The following CDC14B variants were observed in gnomAD, a reference collection of about 807,000 sequenced individuals.
The protein encoded by CDC14B is dual specificity protein phosphatase CDC14B.
CDC14B carries 22 observed loss-of-function variants against 64.2 expected under a neutral mutation model. That is an observed-to-expected ratio of 0.34 (90% CI 0.24 to 0.49). The LOEUF is 0.49. Ranked by LOEUF, CDC14B falls within the 20% of genes least tolerant of loss-of-function variation. CDC14B has a pLI of 0.99. For missense variants in CDC14B, 498 were observed against 629.9 expected (o/e 0.79, Z 2.24); for synonymous variants, 191 against 215.8 (o/e 0.89, Z 1.01).
At chr9:96,586,970 C>T (rs1036602771) in intron 1 of CDC14B, among the ~76,000 whole-genome samples, 2 of 151,938 alleles carry the variant, frequency 1.3e-5, no homozygotes, top group African/African-American at 2.4e-5. Flanking sequence ...GTCAGGATTT[C>T]GAGACTAGCC....
At chr9:96,505,787 C>T (rs1034241626) in intron 13 of CDC14B, among the ~76,000 whole-genome samples, 4 of 152,166 alleles carry the variant, frequency 2.6e-5, no homozygotes, top group South Asian at 4.1e-4. Context: ...GCCTGGCCGC[C>T]GTCCCAGACC....
At chr9:96,555,217 G>T (rs1304504816) in intron 4 of CDC14B, among the ~76,000 whole-genome samples, 1 of 152,162 alleles carries the variant, frequency 6.6e-6, no homozygotes, top group South Asian at 2.1e-4. Context: ...GAGTAATAGG[G>T]TGTGATTTCA....
At chr9:96,619,083 G>C (rs1847821196) in intron 1 of CDC14B, 136 bp downstream of exon 1, 2 of 578,504 alleles carry the variant, frequency 3.5e-6, no homozygotes, top group Non-Finnish European at 5.0e-6. Flanking sequence ...GTGGCGGCCG[G>C]GGCGTTTAAG....
chr9:96,605,259 A>ACAATTTC (rs1846808297), intron 1 of CDC14B, among the ~76,000 whole-genome samples: 1 of 152,108 alleles, frequency 6.6e-6, no homozygotes, highest in Non-Finnish European at 1.5e-5. Context: ...CATTTTCAGC[A>ACAATTTC]CAATTTCCAA....
chr9:96,552,205 C>T (rs1049804514), intron 4 of CDC14B, among the ~76,000 whole-genome samples: 1 of 152,154 alleles, frequency 6.6e-6, no homozygotes, highest in African/African-American at 2.4e-5. Flanking sequence ...CCTGAAAGTC[C>T]ACTGAAATGA....
At chr9:96,603,185 C>CACACAT in intron 1 of CDC14B, among the ~76,000 whole-genome samples, 1 of 150,960 alleles carries the variant, frequency 6.6e-6, no homozygotes, top group East Asian at 1.9e-4. Flanking sequence ...CACACACACA[C>CACACAT]ACACACAAAT....
At chr9:96,567,080 C>T (rs1185398213) in intron 1 of CDC14B, 3 of 896,720 alleles carry the variant, frequency 3.3e-6, no homozygotes, top group Non-Finnish European at 4.8e-6. Context: ...TTCTTTCCCC[C>T]CGCCTGGCCG....
At chr9:96,497,074 T>C (rs892795967), downstream of CDC14B, among the ~76,000 whole-genome samples, 1 of 152,142 alleles carries the variant, frequency 6.6e-6, no homozygotes, top group Non-Finnish European at 1.5e-5. Context: ...GGAGAAACCA[T>C]TGTCCTCCCC....
At chr9:96,542,956 C>T (rs1474993691) in intron 5 of CDC14B, among the ~76,000 whole-genome samples, 1 of 151,654 alleles carries the variant, frequency 6.6e-6, no homozygotes, top group Non-Finnish European at 1.5e-5. Context: ...TGCAGTGAGC[C>T]GAGATCATGC....
At chr9:96,550,751 T>A (rs2132039082) in intron 5 of CDC14B, among the ~76,000 whole-genome samples, 1 of 152,340 alleles carries the variant, frequency 6.6e-6, no homozygotes, top group African/African-American at 2.4e-5. Context: ...AGTATTTTGA[T>A]AAACGAGCAG....
intron 9 of CDC14B, among the ~76,000 whole-genome samples, chr9:96,531,018 A>G (rs1715184352): frequency 6.6e-6 from 1 of 152,166 alleles, no homozygotes; most frequent in Admixed American, 6.6e-5. Flanking sequence ...ATGGCACACA[A>G]TCCTTTTAAA....
intron 1 of CDC14B, among the ~76,000 whole-genome samples, chr9:96,586,736 T>C (rs1299045327): frequency 6.6e-6 from 1 of 152,066 alleles, no homozygotes; most frequent in Non-Finnish European, 1.5e-5. Flanking sequence ...TTTTAAAAAT[T>C]TTAAAAAGTG....
At position 96,619,442 on chromosome 9, in the gene CDC14B, GGCTCCCGCCAGCCCCGCGCGGGC is replaced by G; in HGVS notation, c.-87_-65del. On this transcript the variant is annotated 5_prime_UTR_variant, in exon 1 of 14. It introduces an in-frame stop codon into an upstream open reading frame of the 5' UTR. Transcript: ENST00000375241. ...CCCCGCGCGCCCGCGCGCCCGCCGA[GGCTCCCGCCAGCCCCGCGCGGGC>G]GCTCGGGGCGGCGGGCGCAGAGCGG... is the stretch of plus-strand genomic sequence containing the variant. 1.0e-6 allele frequency: 1 copy of G among 996,784 alleles called. No homozygotes were observed. Among genetic ancestry groups the G allele is most frequent in the Non-Finnish European group, 1.2e-6 (1 of 829,524 alleles). The allele number at this position is 996,784 out of a possible 1,614,324, so 61.7% of individuals were successfully genotyped here. A position where few individuals can be genotyped will look rare whatever the true frequency, so the allele number is the denominator to read the frequency against.
At chr9:96,602,197 G>A (rs944444627) in intron 1 of CDC14B, among the ~76,000 whole-genome samples, 4 of 152,272 alleles carry the variant, frequency 2.6e-5, no homozygotes, top group South Asian at 4.1e-4. Context: ...GTGGAAAAAG[G>A]CATCTAAATG....
chr9:96,541,714 A>T, intron 6 of CDC14B, 112 bp downstream of exon 6: 1 of 597,406 alleles, frequency 1.7e-6, no homozygotes, highest in Non-Finnish European at 2.8e-6. Context: ...CTGTCACCAT[A>T]GGCATCTTGG....
At chr9:96,596,729 C>T (rs1846103775) in intron 1 of CDC14B, among the ~76,000 whole-genome samples, 1 of 151,938 alleles carries the variant, frequency 6.6e-6, no homozygotes, top group Non-Finnish European at 1.5e-5. Context: ...AGAGTAGTGG[C>T]ATGTGCCTGT....
In CDC14B at chr9:96,610,918, A is replaced by G. The variant is rs1032711602; in HGVS notation, c.160+8301T>C. Among the ~76,000 whole-genome samples the G allele has an allele frequency of 6.6e-5, 10 of 152,208 alleles. No homozygotes were observed. In the East Asian group the frequency reaches 1.7e-3, roughly 26 times the overall value. ...CATAAACATACCAATGCTGCTCTAC[A>G]GTTACAGAAAACTGAATCTGCTACC... On this transcript the variant is annotated intron_variant, in intron 1 of 13. Coordinates refer to ENST00000375241, the MANE Select transcript of CDC14B (RefSeq NM_033331.4).
At chr9:96,558,350 G>A (rs1227117371) in intron 4 of CDC14B, among the ~76,000 whole-genome samples, 1 of 152,150 alleles carries the variant, frequency 6.6e-6, no homozygotes, top group East Asian at 1.9e-4. Context: ...GATGGATACT[G>A]CAACTGCCCT....
At chr9:96,614,225 G>T (rs961891753) in intron 1 of CDC14B, among the ~76,000 whole-genome samples, 8 of 151,606 alleles carry the variant, frequency 5.3e-5, no homozygotes, top group Admixed American at 2.0e-4. Context: ...TTACTAATCA[G>T]AATTTTTCTT....
Sources: allele counts gnomAD v4.1 joint callset (sites outside exome capture counted in the v4.1 genomes callset), GRCh38; gene constraint gnomAD v4.1.1; transcripts MANE v1.5; gene names NCBI Gene and HGNC (gene_info 2026-07-23, HGNC 2026-07-21).